The following DNM3 variants were observed in gnomAD, a reference collection of about 807,000 sequenced individuals.
The protein encoded by DNM3 is dynamin 3.
In DNM3, 47 loss-of-function variants were observed where a neutral mutation model predicts 101.6. The observed-to-expected ratio is 0.46, with a 90% CI of 0.37 to 0.59. The LOEUF is 0.59. Ranked by LOEUF, DNM3 falls within the 20% of genes least tolerant of loss-of-function variation. The pLI is 0.00. For synonymous variants in DNM3, 385 were observed against 387.9 expected (o/e 0.99, Z 0.09); for missense variants, 849 against 1,085.7 (o/e 0.78, Z 3.06).
At chr1:172,142,116 T>C (rs1045200106) in intron 14 of DNM3, 1 of 152,122 alleles carries the variant, frequency 6.6e-6, no homozygotes, top group Admixed American at 6.6e-5. Context: ...CCACATATAA[T>C]GTTTAATTTT....
intron 2 of DNM3, among the ~76,000 whole-genome samples, chr1:171,972,967 T>C (rs988970664): frequency 1.3e-5 from 2 of 152,218 alleles, no homozygotes; most frequent in Admixed American, 1.3e-4. Flanking sequence ...TGCACAATTC[T>C]GTGTATATGT....
chr1:172,158,327 G>A (rs1466531940), intron 14 of DNM3, among the ~76,000 whole-genome samples: 2 of 151,992 alleles, frequency 1.3e-5, no homozygotes, highest in Non-Finnish European at 2.9e-5. Context: ...CATGGAGAGG[G>A]GATCAGGAAT....
intron 13 of DNM3, among the ~76,000 whole-genome samples, chr1:172,119,539 T>C (rs2056164043): frequency 6.6e-6 from 1 of 152,128 alleles, no homozygotes; most frequent in East Asian, 1.9e-4. Context: ...TCCCAGACAT[T>C]GCACGTTGGC....
intron 14 of DNM3, among the ~76,000 whole-genome samples, chr1:172,167,979 T>G (rs672740): frequency 0.57 from 86,731 of 151,758 alleles, 26,842 homozygotes; most frequent in African/African-American, 0.82. Context: ...CGCTTTGAGG[T>G]TTTGGGTTCT....
In DNM3 at chr1:172,408,067, A is replaced by C. The variant is rs2071020342; in HGVS notation, c.*226A>C. ...TTTAGAGGCTTTATATGTTGTACTG[A>C]CCAAGGTAGGTTTGTATAGCAGCCC... On this transcript the variant is annotated 3_prime_UTR_variant, in exon 21 of 21. Transcript: ENST00000627582. The C allele has an allele frequency of 1.1e-5, 15 of 1,370,304 alleles. No homozygotes were observed. Among genetic ancestry groups the C allele is most frequent in the Non-Finnish European group, 1.4e-5 (15 of 1,059,618 alleles). 84.9% of individuals were successfully genotyped at this position (1,370,304 alleles called of 1,614,324 possible). A position where few individuals can be genotyped will look rare whatever the true frequency, so the allele number is the denominator to read the frequency against.
chr1:172,357,395 A>G (rs1387805171), intron 17 of DNM3, among the ~76,000 whole-genome samples: 3 of 152,134 alleles, frequency 2.0e-5, no homozygotes, highest in Non-Finnish European at 4.4e-5. Flanking sequence ...GATCGACATC[A>G]CATGTCTCCT....
chr1:172,009,396 C>G (rs1347377422), intron 4 of DNM3, among the ~76,000 whole-genome samples: 2 of 151,054 alleles, frequency 1.3e-5, no homozygotes, highest in Non-Finnish European at 3.0e-5. Context: ...CTGCAAAAAG[C>G]TTACTGGGAT....
chr1:172,340,542 G>T (rs1362630679), intron 17 of DNM3, among the ~76,000 whole-genome samples: 3 of 152,078 alleles, frequency 2.0e-5, no homozygotes, highest in Admixed American at 6.5e-5. Flanking sequence ...CAAACATGGT[G>T]CATTCACTAT....
intron 2 of DNM3, among the ~76,000 whole-genome samples, chr1:171,931,404 T>G (rs74126543): frequency 6.6e-6 from 1 of 152,148 alleles, no homozygotes; most frequent in Non-Finnish European, 1.5e-5. Flanking sequence ...GTAACACTGT[T>G]TGTGGCCCTG....
chr1:172,260,486 A>G (rs1395731200), intron 15 of DNM3, among the ~76,000 whole-genome samples: 2 of 151,948 alleles, frequency 1.3e-5, no homozygotes, highest in Admixed American at 6.6e-5. Flanking sequence ...ATGATGTCCC[A>G]TATGTCTTGA....
intron 11 of DNM3, among the ~76,000 whole-genome samples, chr1:172,080,165 G>A (rs952584269): frequency 2.6e-5 from 4 of 152,104 alleles, no homozygotes; most frequent in Middle Eastern, 3.2e-3. Flanking sequence ...TGGGAGATCC[G>A]TCATTCTCTT....
At chr1:172,110,638 A>ATTACTTT (rs1391883915) in intron 13 of DNM3, among the ~76,000 whole-genome samples, 1 of 152,208 alleles carries the variant, frequency 6.6e-6, no homozygotes, top group Non-Finnish European at 1.5e-5. Context: ...AATTTTGGAC[A>ATTACTTT]TTACTTTCTG....
At chr1:172,315,580 A>G (rs538650654) in intron 16 of DNM3, among the ~76,000 whole-genome samples, 2 of 152,384 alleles carry the variant, frequency 1.3e-5, no homozygotes, top group South Asian at 4.1e-4. Flanking sequence ...CTCGAGAACT[A>G]CGTGAAGAAT....
chr1:172,110,579 A>G (rs995261705), intron 13 of DNM3, among the ~76,000 whole-genome samples: 2 of 152,246 alleles, frequency 1.3e-5, no homozygotes, highest in Non-Finnish European at 1.5e-5. Context: ...TCAAACTGTG[A>G]CATTAACATC....
At chr1:171,887,852 A>G (rs1359693181) in intron 1 of DNM3, among the ~76,000 whole-genome samples, 1 of 152,040 alleles carries the variant, frequency 6.6e-6, no homozygotes, top group African/African-American at 2.4e-5. Context: ...ATCATCTAAT[A>G]TGTTTTTTTT....
chr1:172,010,886 T>C (rs1001779092), intron 4 of DNM3, among the ~76,000 whole-genome samples: 3 of 151,884 alleles, frequency 2.0e-5, no homozygotes, highest in African/African-American at 7.2e-5. Context: ...TGAATTCCAT[T>C]GCTTCTAGGT....
rs537172650 is a variant in DNM3 at position 172,298,837 on chromosome 1, G to T, written c.1770-9891G>T. ...AGCAAGAGAGAAAGAAAAAAAGGAA[G>T]GACAGAAAGAAGAAAGAAAGAAAGA... On this transcript the variant is annotated intron_variant, in intron 15 of 20. Coordinates refer to ENST00000627582, the MANE Select transcript of DNM3 (RefSeq NM_015569.5). Among the ~76,000 whole-genome samples, 18 of 146,044 alleles carry T rather than the reference G, an allele frequency of 1.2e-4. No individual in the cohort carries two copies. In the South Asian group the frequency reaches 3.7e-3, roughly 30 times the overall value.
chr1:172,147,284 G>T (rs1398544879), intron 14 of DNM3, among the ~76,000 whole-genome samples: 24 of 152,124 alleles, frequency 1.6e-4, no homozygotes, highest in Admixed American at 1.6e-3. Context: ...GCTCTGAAAA[G>T]TCCTTGGCAT....
intron 11 of DNM3, among the ~76,000 whole-genome samples, chr1:172,076,237 A>G (rs1434342010): frequency 6.6e-6 from 1 of 152,138 alleles, no homozygotes; most frequent in African/African-American, 2.4e-5. Context: ...GGGTTTTCTA[A>G]ATATACAATC....
Sources: allele counts gnomAD v4.1 joint callset (sites outside exome capture counted in the v4.1 genomes callset), GRCh38; gene constraint gnomAD v4.1.1; transcripts MANE v1.5; gene names NCBI Gene and HGNC (gene_info 2026-07-23, HGNC 2026-07-21).